The following LMBRD1 variants were observed in gnomAD, a reference collection of about 807,000 sequenced individuals.
LMBRD1 encodes the protein lysosomal cobalamin transport escort protein LMBD1.
Under a neutral mutation model 74.8 loss-of-function variants are expected in LMBRD1, and 64 were observed. The observed-to-expected ratio is 0.86, with a 90% CI of 0.70 to 1.05. LMBRD1 has a LOEUF of 1.05. LMBRD1 is among the 50% of genes least tolerant of loss of function. The pLI is 0.00. For synonymous variants in LMBRD1, 204 were observed against 216.3 expected (o/e 0.94, Z 0.50); for missense variants, 652 against 645.9 (o/e 1.01, Z -0.10).
chr6:69,745,078 C>T (rs1360888670), intron 5 of LMBRD1, among the ~76,000 whole-genome samples: 2 of 151,902 alleles, frequency 1.3e-5, no homozygotes, highest in South Asian at 2.1e-4. Context: ...TCGTGATCCA[C>T]CTCCCTCGGC....
At chr6:69,677,135 G>A (rs530102999) in intron 14 of LMBRD1, among the ~76,000 whole-genome samples, 9 of 152,258 alleles carry the variant, frequency 5.9e-5, no homozygotes, top group East Asian at 1.9e-4. Flanking sequence ...TTCAAGCTTC[G>A]TCAATGAAGA....
At chr6:69,694,383 A>G (rs1003640559) in intron 14 of LMBRD1, among the ~76,000 whole-genome samples, 2 of 152,192 alleles carry the variant, frequency 1.3e-5, no homozygotes, top group African/African-American at 4.8e-5. Flanking sequence ...GTTTTCATCC[A>G]GCTAAATATG....
chr6:69,701,886 T>TA lies in LMBRD1; in HGVS notation c.980+2dup. The TA allele has an allele frequency of 1.3e-6, 2 of 1,580,432 alleles. No individual in the cohort carries two copies. Among genetic ancestry groups the TA allele is most frequent in the Non-Finnish European group, 1.7e-6 (2 of 1,150,408 alleles). On this transcript the variant is annotated splice_region_variant and intron_variant, in intron 10 of 15. Transcript: ENST00000649934. ...CTTTAGAAAATGTGTCTACTGTACT[T>TA]ACTTTGACAAGAAGAGAGAAATTAC...
chr6:69,748,994 T>C (rs74930370), intron 5 of LMBRD1, among the ~76,000 whole-genome samples: 4 of 152,022 alleles, frequency 2.6e-5, no homozygotes, highest in African/African-American at 4.8e-5. Flanking sequence ...ATAGTCAAAA[T>C]TGATGGAGCT....
intron 12 of LMBRD1, among the ~76,000 whole-genome samples, chr6:69,700,050 A>G (rs1251946994): frequency 6.6e-6 from 1 of 151,872 alleles, no homozygotes; most frequent in African/African-American, 2.4e-5. Context: ...GGATAAAAGG[A>G]ACTGCAGCAG....
At chr6:69,722,061 T>C (rs748524297) in intron 7 of LMBRD1, among the ~76,000 whole-genome samples, 2 of 152,172 alleles carry the variant, frequency 1.3e-5, no homozygotes, top group Non-Finnish European at 2.9e-5. Context: ...GGTAAACTGC[T>C]AAGGTTTTTA....
intron 11 of LMBRD1, 56 bp from the exon 12 acceptor site, chr6:69,700,925 T>A: frequency 9.3e-7 from 1 of 1,078,298 alleles, no homozygotes; most frequent in Non-Finnish European, 1.3e-6. Context: ...ACTCTAACAG[T>A]CATATAAAAT....
chr6:69,681,200 A>T (rs906932327), intron 14 of LMBRD1, among the ~76,000 whole-genome samples: 7 of 152,064 alleles, frequency 4.6e-5, no homozygotes, highest in African/African-American at 1.7e-4. Context: ...TGGCCATACA[A>T]AAAAGAATTC....
intron 14 of LMBRD1, among the ~76,000 whole-genome samples, chr6:69,685,671 C>T (rs1032733394): frequency 1.3e-5 from 2 of 151,992 alleles, no homozygotes; most frequent in Non-Finnish European, 2.9e-5. Flanking sequence ...CATGGTGGCA[C>T]GTGCCTGTAA....
Position 69,691,147 on chromosome 6 carries a change from C to CTTTT in LMBRD1, c.1417+6415_1417+6416insAAAA, listed in dbSNP as rs67075550. ...TAAAAAGCAGCAACGGCCTCTCTCT[C>CTTTT]TCTTTTTTTTTTTAACAATTTAAAG... On this transcript the variant is annotated intron_variant, in intron 14 of 15. Coordinates refer to ENST00000649934, the MANE Select transcript of LMBRD1 (RefSeq NM_018368.4). 3.2e-4 allele frequency among the ~76,000 whole-genome samples: 44 copies of CTTTT among 138,526 alleles called. 1 individual carries two copies. Among genetic ancestry groups the CTTTT allele is most frequent in the Admixed American group, 1.0e-3 (14 of 13,938 alleles). 90.9% of individuals were successfully genotyped at this position (138,526 alleles called of 152,430 possible).
intron 7 of LMBRD1, among the ~76,000 whole-genome samples, chr6:69,727,113 C>T (rs569330489): frequency 3.3e-5 from 5 of 152,190 alleles, no homozygotes; most frequent in African/African-American, 4.8e-5. Context: ...GAGTTGAGAT[C>T]GCGCCACTGC....
intron 5 of LMBRD1, among the ~76,000 whole-genome samples, chr6:69,747,864 C>T (rs1394999119): frequency 6.6e-6 from 1 of 152,168 alleles, no homozygotes; most frequent in Non-Finnish European, 1.5e-5. Context: ...TTAAAAGAAA[C>T]TCTGAATATG....
chr6:69,712,203 T>C (rs950674987), intron 9 of LMBRD1, among the ~76,000 whole-genome samples: 3 of 152,184 alleles, frequency 2.0e-5, no homozygotes, highest in Admixed American at 2.0e-4. Context: ...AATGAGCATA[T>C]TTGGAAGTCT....
chr6:69,688,664 A>C (rs1458782978), intron 14 of LMBRD1, among the ~76,000 whole-genome samples: 1 of 151,970 alleles, frequency 6.6e-6, no homozygotes, highest in Non-Finnish European at 1.5e-5. Flanking sequence ...TGGCAGATGT[A>C]TGTCATCATT....
intron 14 of LMBRD1, among the ~76,000 whole-genome samples, chr6:69,677,333 T>C (rs528406754): frequency 6.6e-6 from 1 of 152,272 alleles, no homozygotes; most frequent in Admixed American, 6.5e-5. Flanking sequence ...TGACCTACTA[T>C]TAGACAAGGT....
chr6:69,735,172 CT>C (rs1165219030), intron 7 of LMBRD1, among the ~76,000 whole-genome samples: 1 of 152,210 alleles, frequency 6.6e-6, no homozygotes, highest in Non-Finnish European at 1.5e-5. Context: ...TGGCTGGAGC[CT>C]ATCCCACTAG....
intron 14 of LMBRD1, among the ~76,000 whole-genome samples, chr6:69,694,472 CATT>C (rs769615462): frequency 1.3e-5 from 2 of 152,274 alleles, no homozygotes; most frequent in South Asian, 4.1e-4. Flanking sequence ...GAACTAACAT[CATT>C]AACTGGAAAA....
chr6:69,757,182 G>C (rs755800197), intron 3 of LMBRD1, among the ~76,000 whole-genome samples: 1 of 152,090 alleles, frequency 6.6e-6, no homozygotes, highest in African/African-American at 2.4e-5. Flanking sequence ...ACCTTGTGTT[G>C]ACTAAAACAA....
intron 1 of LMBRD1, among the ~76,000 whole-genome samples, chr6:69,793,589 T>C (rs543188019): frequency 4.1e-4 from 62 of 152,130 alleles, no homozygotes; most frequent in Non-Finnish European, 7.3e-4. Context: ...AGATTTGATA[T>C]AGTAAAGACA....
Sources: gnomAD v4.1 joint callset for allele counts (sites outside exome capture counted in the v4.1 genomes callset) on GRCh38, gnomAD v4.1.1 for gene constraint, MANE v1.5 for transcripts, NCBI Gene and HGNC (gene_info 2026-07-23, HGNC 2026-07-21) for gene names.